Variants in AK9 observed in about 807,000 individuals in gnomAD.
The protein encoded by AK9 is adenylate kinase 9.
In AK9, 191 loss-of-function variants were observed where a neutral mutation model predicts 239.6. The ratio of observed to expected loss-of-function variants is 0.80; its 90% CI spans 0.71 to 0.90. AK9 has a LOEUF of 0.90. Among genes scored for constraint, AK9 ranks in the 40% least tolerant of loss-of-function variants. The pLI, the probability that AK9 is intolerant of heterozygous loss-of-function variation, is 0.00. For synonymous variants in AK9, 689 were observed against 721.0 expected (o/e 0.96, Z 0.71); for missense variants, 1,995 against 2,214.7 (o/e 0.90, Z 1.99).
chr6:109,600,822 C>G (rs1744535115), intron 17 of AK9, among the ~76,000 whole-genome samples: 1 of 152,136 alleles, frequency 6.6e-6, no homozygotes, highest in Middle Eastern at 3.4e-3. Context: ...TGTATGTGTC[C>G]ATGAATTTAT....
intron 24 of AK9, among the ~76,000 whole-genome samples, chr6:109,554,525 CTTTT>C (rs3060760): frequency 3.0e-3 from 235 of 77,426 alleles, no homozygotes; most frequent in African/African-American, 9.6e-3. Flanking sequence ...TATTTCTTTT[CTTTT>C]TTTTTTTTTT....
In AK9 at chr6:109,638,139, C is replaced by CTTA. The variant is rs1259172761; in HGVS notation, c.933+3376_933+3378dup. ...AGTCATACAGCTTATGAACTACAAC[C>CTTA]TTACACCTATGCCCCATGCATGCAA... is the stretch of plus-strand genomic sequence containing the variant. On this transcript the variant is annotated intron_variant, in intron 10 of 40. Coordinates refer to ENST00000424296, the MANE Select transcript of AK9 (RefSeq NM_001145128.3). Among the ~76,000 whole-genome samples, 6 of 152,346 alleles carry CTTA rather than the reference C, an allele frequency of 3.9e-5. No homozygotes were observed. In the East Asian group the frequency reaches 7.7e-4, roughly 20 times the overall value.
intron 12 of AK9, among the ~76,000 whole-genome samples, 161 bp from the exon 13 acceptor site, chr6:109,619,397 T>A: frequency 6.6e-6 from 1 of 152,200 alleles, no homozygotes; most frequent in Middle Eastern, 3.4e-3. Context: ...AATTCACCTA[T>A]TTTTGAGTAC....
rs749300445 is a variant in AK9 at position 109,656,739 on chromosome 6, A to G, written c.759+17T>C. On this transcript the variant is annotated intron_variant, in intron 8 of 40. Coordinates refer to ENST00000424296, the MANE Select transcript of AK9 (RefSeq NM_001145128.3). ...CAAATATCAATATTCATTTTCAGCAATATATTTTGTTCTTACTTCTAAAGT... is the reference window on the plus strand; with the variant it reads ...CAAATATCAATATTCATTTTCAGCAGTATATTTTGTTCTTACTTCTAAAGT... The G allele has an allele frequency of 5.1e-6, 8 of 1,558,994 alleles. No homozygotes were observed. Among genetic ancestry groups the G allele is most frequent in the Middle Eastern group, 1.8e-4 (1 of 5,462 alleles).
At chr6:109,690,519 T>G (rs1412001212) in intron 1 of AK9, 1 of 152,130 alleles carries the variant, frequency 6.6e-6, no homozygotes, top group Non-Finnish European at 1.5e-5. Flanking sequence ...CTCCAGGGAC[T>G]CCGCGGGGCT....
intron 1 of AK9, among the ~76,000 whole-genome samples, chr6:109,677,556 T>C (rs1771939783): frequency 6.6e-6 from 1 of 152,168 alleles, no homozygotes; most frequent in Admixed American, 6.5e-5. Context: ...TGAAGAGCCA[T>C]GCATGCAGGA....
At chr6:109,544,222 C>G (rs997296642) in intron 26 of AK9, among the ~76,000 whole-genome samples, 2 of 152,216 alleles carry the variant, frequency 1.3e-5, no homozygotes, top group African/African-American at 4.8e-5. Flanking sequence ...TTACATATAA[C>G]TGCATTTGGA....
intron 12 of AK9, among the ~76,000 whole-genome samples, chr6:109,628,528 T>C (rs1795789837): frequency 6.6e-6 from 1 of 152,144 alleles, no homozygotes; most frequent in Non-Finnish European, 1.5e-5. Context: ...GTTAGGAGGG[T>C]TAGTTCACTG....
At chr6:109,570,730 G>T (rs935178909) in intron 21 of AK9, among the ~76,000 whole-genome samples, 1 of 152,120 alleles carries the variant, frequency 6.6e-6, no homozygotes, top group African/African-American at 2.4e-5. Flanking sequence ...AGAAACAATA[G>T]TTATCTGACC....
At chr6:109,654,806 G>C (rs1437848244) in intron 8 of AK9, among the ~76,000 whole-genome samples, 1 of 152,218 alleles carries the variant, frequency 6.6e-6, no homozygotes, top group Non-Finnish European at 1.5e-5. Context: ...GCAGTTTGCA[G>C]AATGTATACC....
rs141968479 is a variant in AK9, at chr6:109,497,326, TCACACACA to T, written c.5315+131_5315+138del. ...TGGGATGGCAGGGACCAGTGCTTGT[TCACACACA>T]CACACACACACACACACACACACAC... On this transcript the variant is annotated intron_variant, in intron 38 of 40. Transcript: ENST00000424296. 1.5e-3 allele frequency: 634 copies of T among 421,648 alleles called. 3 individuals are homozygous for T. The highest frequency in any genetic ancestry group is 6.3e-3 in the African/African-American group (237 of 37,908). The allele number at this position is 421,648 out of a possible 1,614,324, so 26.1% of individuals were successfully genotyped here. A position where few individuals can be genotyped will look rare whatever the true frequency, so the allele number is the denominator to read the frequency against.
At chr6:109,653,738 G>A (rs965173140) in intron 8 of AK9, among the ~76,000 whole-genome samples, 6 of 149,128 alleles carry the variant, frequency 4.0e-5, no homozygotes, top group Non-Finnish European at 8.9e-5. Context: ...TTTGCCATGT[G>A]GCACAGGCTG....
intron 5 of AK9, among the ~76,000 whole-genome samples, chr6:109,667,455 A>G (rs1801371877): frequency 6.6e-6 from 1 of 151,778 alleles, no homozygotes; most frequent in Admixed American, 6.6e-5. Flanking sequence ...CACAATGTGC[A>G]GGTTTGTTAC....
intron 26 of AK9, 73 bp downstream of exon 26, chr6:109,545,793 AC>A: frequency 6.6e-7 from 1 of 1,504,554 alleles, no homozygotes; most frequent in Non-Finnish European, 8.9e-7. Context: ...ACAGATGGAG[AC>A]CCTGTCTCAA....
At position 109,645,077 on chromosome 6, in the gene AK9, G is replaced by A. The variant is rs548998215; in HGVS notation, c.760-389C>T. 1.3e-4 allele frequency among the ~76,000 whole-genome samples: 20 copies of A among 152,202 alleles called. No homozygotes were observed. The East Asian group carries it at 1.7e-3, about 13-fold the overall frequency. On this transcript the variant is annotated intron_variant, in intron 8 of 40. Coordinates refer to ENST00000424296, the MANE Select transcript of AK9 (RefSeq NM_001145128.3). ...ACTAGCATCATTTAGAAGATACAACGTATTTTGATCGTTCCAAGATGGCCA... is the reference window on the plus strand; with the variant it reads ...ACTAGCATCATTTAGAAGATACAACATATTTTGATCGTTCCAAGATGGCCA...
intron 15 of AK9, 84 bp from the exon 16 acceptor site, chr6:109,612,177 T>C: frequency 1.1e-6 from 1 of 881,800 alleles, no homozygotes; most frequent in Non-Finnish European, 1.7e-6. Context: ...AATATAAGCC[T>C]AGGGAACCAG....
chr6:109,666,844 A>C (rs1646986600), intron 5 of AK9, among the ~76,000 whole-genome samples: 2 of 152,138 alleles, frequency 1.3e-5, no homozygotes, highest in South Asian at 4.1e-4. Context: ...CTGACCTCAG[A>C]CCAGGCTGAT....
intron 17 of AK9, among the ~76,000 whole-genome samples, chr6:109,601,152 C>G (rs527745319): frequency 6.6e-6 from 1 of 152,124 alleles, no homozygotes; most frequent in Non-Finnish European, 1.5e-5. Context: ...TTCTCTAGTT[C>G]TTTTAAATGT....
intron 20 of AK9, 121 bp downstream of exon 20, chr6:109,579,429 C>T (rs1788534475): frequency 2.2e-6 from 2 of 894,336 alleles, no homozygotes; most frequent in Non-Finnish European, 3.4e-6. Flanking sequence ...AGGCATAAAC[C>T]TGGGCTCTCA....
Sources: allele counts gnomAD v4.1 joint callset (sites outside exome capture counted in the v4.1 genomes callset), GRCh38; gene constraint gnomAD v4.1.1; transcripts MANE v1.5; gene names NCBI Gene and HGNC (gene_info 2026-07-23, HGNC 2026-07-21).